The following CNTNAP2 variants were observed in gnomAD, a reference collection of about 807,000 sequenced individuals.
CNTNAP2 encodes contactin associated protein 2.
A neutral mutation model predicts 155.2 loss-of-function variants in CNTNAP2; 98 were observed. The ratio of observed to expected loss-of-function variants is 0.63; its 90% confidence interval spans 0.54 to 0.75. CNTNAP2 has a LOEUF of 0.75. CNTNAP2 is among the 30% of genes least tolerant of loss of function. CNTNAP2 has a pLI of 0.00. For synonymous variants in CNTNAP2, 651 were observed against 631.2 expected, an observed-to-expected ratio of 1.03 and a Z score of -0.47; for missense variants, 1,727 against 1,688.1, an observed-to-expected ratio of 1.02 and a Z score of -0.40.
chr7:148,126,253 C>T (rs764673321), intron 16 of CNTNAP2, among the ~76,000 whole-genome samples: 1 of 152,182 alleles, frequency 6.6e-6, no homozygotes, highest in Non-Finnish European at 1.5e-5. Context: ...TACACCCATG[C>T]TGCGAGGGTT....
chr7:146,446,408 G>A (rs1796402959), intron 1 of CNTNAP2, among the ~76,000 whole-genome samples: 1 of 149,034 alleles, frequency 6.7e-6, no homozygotes, highest in African/African-American at 2.6e-5. Context: ...CCAAGGCTGA[G>A]GGTGTTGCAG....
rs796682742 is a variant in CNTNAP2 at position 147,056,777 on chromosome 7, G to GTTTGTTCTTTTT, written c.550+12729_550+12730insCTTTTTTTTGTT. 1.2e-3 allele frequency among the ~76,000 whole-genome samples: 189 copies of GTTTGTTCTTTTT among 152,080 alleles called. 3 individuals are homozygous for GTTTGTTCTTTTT. Among genetic ancestry groups the GTTTGTTCTTTTT allele is most frequent in the African/African-American group, 4.0e-3 (166 of 41,518 alleles). ...GCTTTGTTTGTTTGTTTGTTCATTT[G>GTTTGTTCTTTTT]TTTGTTTGTTTTGGAGACATTCTCA... On this transcript the variant is annotated intron_variant, in intron 4 of 23. Coordinates refer to ENST00000361727, the MANE Select transcript of CNTNAP2 (RefSeq NM_014141.6).
intron 1 of CNTNAP2, among the ~76,000 whole-genome samples, chr7:146,665,870 A>C (rs554477097): frequency 6.6e-6 from 1 of 151,248 alleles, no homozygotes; most frequent in East Asian, 1.9e-4. Context: ...AACTGACATA[A>C]AAATATTTAT....
chr7:146,856,553 T>C (rs1794992929), intron 3 of CNTNAP2, among the ~76,000 whole-genome samples: 1 of 152,112 alleles, frequency 6.6e-6, no homozygotes, highest in Non-Finnish European at 1.5e-5. Flanking sequence ...GAGAAGTAAA[T>C]TTGTATAGTC....
chr7:147,332,414 C>T (rs1455890332), intron 9 of CNTNAP2, among the ~76,000 whole-genome samples: 3 of 152,106 alleles, frequency 2.0e-5, no homozygotes, highest in African/African-American at 7.2e-5. Context: ...CTGCTTTCTT[C>T]ATCATTTCTA....
chr7:146,625,272 G>A (rs974667371), intron 1 of CNTNAP2, among the ~76,000 whole-genome samples: 2 of 151,726 alleles, frequency 1.3e-5, no homozygotes, highest in Admixed American at 6.6e-5. Context: ...AAAAAATTAA[G>A]GACATGAGAC....
intron 20 of CNTNAP2, among the ~76,000 whole-genome samples, chr7:148,257,633 G>A (rs1796476958): frequency 6.6e-6 from 1 of 152,122 alleles, no homozygotes; most frequent in South Asian, 2.1e-4. Flanking sequence ...TCACCCTGAT[G>A]GGCTTGTGGC....
chr7:147,191,451 G>C (rs1015012173), intron 8 of CNTNAP2, among the ~76,000 whole-genome samples: 1 of 152,120 alleles, frequency 6.6e-6, no homozygotes, highest in Non-Finnish European at 1.5e-5. Context: ...GTGCTCACAA[G>C]TCTATGACCA....
intron 1 of CNTNAP2, among the ~76,000 whole-genome samples, chr7:146,308,911 G>C (rs932864325): frequency 6.6e-6 from 1 of 152,108 alleles, no homozygotes; most frequent in South Asian, 2.1e-4. Flanking sequence ...CACCAACATG[G>C]CACATGTGTA....
intron 8 of CNTNAP2, among the ~76,000 whole-genome samples, chr7:147,148,694 G>T (rs911256037): frequency 6.6e-6 from 1 of 152,220 alleles, no homozygotes; most frequent in South Asian, 2.1e-4. Flanking sequence ...CTTCAGGAGT[G>T]AAGCCACAGA....
intron 5 of CNTNAP2, among the ~76,000 whole-genome samples, chr7:147,114,200 T>G (rs1260721750): frequency 1.3e-5 from 2 of 152,192 alleles, no homozygotes; most frequent in East Asian, 3.9e-4. Context: ...TCAGTCCTTT[T>G]TCATTTGCTG....
At chr7:146,901,855 C>G in intron 3 of CNTNAP2, among the ~76,000 whole-genome samples, 1 of 135,000 alleles carries the variant, frequency 7.4e-6, no homozygotes, top group Non-Finnish European at 1.6e-5. Flanking sequence ...TACAGTTTTT[C>G]TTGCATATAT....
intron 10 of CNTNAP2, among the ~76,000 whole-genome samples, chr7:147,407,366 G>A (rs1450547550): frequency 6.6e-6 from 1 of 150,914 alleles, no homozygotes; most frequent in African/African-American, 2.4e-5. Flanking sequence ...TACTCGGGAG[G>A]CTGAGGCAGA....
intron 2 of CNTNAP2, among the ~76,000 whole-genome samples, chr7:146,787,907 T>C (rs547917133): frequency 2.6e-5 from 4 of 152,250 alleles, no homozygotes; most frequent in Admixed American, 1.3e-4. Context: ...AGAGTGCTGA[T>C]TGGTGCGTTC....
At chr7:148,041,763 C>A (rs1468668020) in intron 15 of CNTNAP2, among the ~76,000 whole-genome samples, 1 of 152,092 alleles carries the variant, frequency 6.6e-6, no homozygotes, top group Non-Finnish European at 1.5e-5. Flanking sequence ...AACAGTCACA[C>A]CTTAGTCAAC....
At chr7:147,505,873 A>C (rs1366531880) in intron 11 of CNTNAP2, among the ~76,000 whole-genome samples, 2 of 152,198 alleles carry the variant, frequency 1.3e-5, no homozygotes, top group African/African-American at 4.8e-5. Flanking sequence ...GATCTTTTCC[A>C]GGTGCAGAAA....
At chr7:148,218,749 G>A (rs1366576077) in intron 19 of CNTNAP2, among the ~76,000 whole-genome samples, 1 of 151,912 alleles carries the variant, frequency 6.6e-6, no homozygotes, top group Non-Finnish European at 1.5e-5. Flanking sequence ...CACACATTAA[G>A]CCAGAGAGGA....
At chr7:148,371,336 G>A (rs970146987) in intron 21 of CNTNAP2, among the ~76,000 whole-genome samples, 4 of 152,150 alleles carry the variant, frequency 2.6e-5, no homozygotes, top group South Asian at 2.1e-4. Flanking sequence ...GGGAAGGCAC[G>A]ATGGCATTTC....
intron 14 of CNTNAP2, among the ~76,000 whole-genome samples, chr7:147,973,166 A>G (rs1341944910): frequency 1.5e-5 from 1 of 64,992 alleles, no homozygotes; most frequent in Non-Finnish European, 5.8e-5. Context: ...AAATTAAAAA[A>G]AAAAAAAAAA....
Sources: gnomAD v4.1 joint callset for allele counts (sites outside exome capture counted in the v4.1 genomes callset) on GRCh38, gnomAD v4.1.1 for gene constraint, MANE v1.5 for transcripts, NCBI Gene and HGNC (gene_info 2026-07-23, HGNC 2026-07-21) for gene names.